The following CA10 variants were observed in gnomAD, a reference collection of about 807,000 sequenced individuals.
The protein encoded by CA10 is carbonic anhydrase 10 (inactive).
Under a neutral mutation model 44.2 loss-of-function variants are expected in CA10, and 14 were observed. The observed-to-expected ratio is 0.32, with a 90% CI of 0.21 to 0.50. The LOEUF is 0.50. Ranked by LOEUF, CA10 falls within the 20% of genes least tolerant of loss-of-function variation. CA10 has a pLI of 0.99. For synonymous variants in CA10, 159 were observed against 141.6 expected (o/e 1.12, Z -0.87); for missense variants, 350 against 409.7 (o/e 0.85, Z 1.26).
intron 4 of CA10, among the ~76,000 whole-genome samples, chr17:51,681,129 A>G (rs542972973): frequency 3.3e-5 from 5 of 152,280 alleles, no homozygotes; most frequent in Admixed American, 2.6e-4. Context: ...GCTGGGTATG[A>G]TTTCAGCTTT....
chr17:51,747,654 A>G lies in CA10; in HGVS notation c.444T>C (p.Asn148=). 2 of 1,613,522 alleles carry G rather than the reference A, an allele frequency of 1.2e-6. No individual in the cohort carries two copies. The highest frequency in any genetic ancestry group is 8.5e-7 in the Non-Finnish European group (1 of 1,179,726). The change falls in exon 4 of 9, where the codon AAT becomes AAC. Residue 148 remains asparagine (N), a synonymous_variant. Coordinates refer to ENST00000451037, the MANE Select transcript of CA10 (RefSeq NM_020178.5). ...EDSQGSEHLL[N]GQAFSGEVQL... is the part of the protein sequence containing the mutation. ...ATACCTCCCCAGAGAAGGCCTGTCC[A>G]TTGAGGAGGTGCTCCGACCCTTGGC...
intron 4 of CA10, among the ~76,000 whole-genome samples, chr17:51,668,483 C>A (rs564677616): frequency 6.6e-6 from 1 of 152,196 alleles, no homozygotes; most frequent in Non-Finnish European, 1.5e-5. Flanking sequence ...CAAAGTCACT[C>A]GGTTGTTTAT....
At chr17:51,893,036 CTTAATAAGTGATGTTTA>C (rs1259651016) in intron 3 of CA10, among the ~76,000 whole-genome samples, 1 of 152,022 alleles carries the variant, frequency 6.6e-6, no homozygotes, top group Admixed American at 6.6e-5. Flanking sequence ...CTACTTTATG[CTTAATAAGTGATGTTTA>C]TTATTATTCT....
chr17:51,943,144 C>T (rs1983147057), intron 2 of CA10, among the ~76,000 whole-genome samples: 1 of 152,154 alleles, frequency 6.6e-6, no homozygotes. Context: ...CCACTTTCTA[C>T]ACCCCATAGT....
At chr17:52,137,091 AT>A (rs758092131) in intron 1 of CA10, among the ~76,000 whole-genome samples, 1,777 of 145,734 alleles carry the variant, frequency 0.012, 32 homozygotes, top group African/African-American at 0.039. Flanking sequence ...GGATGTGGGG[AT>A]TTTTTTTTTT....
intron 2 of CA10, among the ~76,000 whole-genome samples, chr17:52,001,985 G>A (rs1199424841): frequency 1.3e-5 from 2 of 151,864 alleles, no homozygotes; most frequent in African/African-American, 4.8e-5. Flanking sequence ...TCAAAAATAA[G>A]GAGGGGCAAG....
intron 6 of CA10, among the ~76,000 whole-genome samples, chr17:51,648,275 G>A (rs949345649): frequency 1.2e-4 from 19 of 152,280 alleles, no homozygotes; most frequent in East Asian, 1.2e-3. Flanking sequence ...GTGCTTGGAT[G>A]TTTGCCAACT....
At chr17:52,058,421 G>A (rs1987288855) in intron 2 of CA10, among the ~76,000 whole-genome samples, 1 of 152,082 alleles carries the variant, frequency 6.6e-6, no homozygotes, top group Admixed American at 6.6e-5. Context: ...AGTAAACTGA[G>A]GCTCTGAGAC....
At chr17:51,821,332 G>A (rs1907787203) in intron 3 of CA10, among the ~76,000 whole-genome samples, 1 of 151,738 alleles carries the variant, frequency 6.6e-6, no homozygotes, top group African/African-American at 2.4e-5. Context: ...GGTGGAAAGA[G>A]GGAAAGTCAA....
chr17:51,999,744 C>T (rs542257211), intron 2 of CA10, among the ~76,000 whole-genome samples: 1 of 152,174 alleles, frequency 6.6e-6, no homozygotes, highest in South Asian at 2.1e-4. Flanking sequence ...TCCATTCTGT[C>T]CTTGTTTCCC....
At chr17:51,645,711 C>T (rs1291679479) in intron 6 of CA10, among the ~76,000 whole-genome samples, 1 of 152,154 alleles carries the variant, frequency 6.6e-6, no homozygotes, top group Non-Finnish European at 1.5e-5. Context: ...TTCCTTCCTC[C>T]TTAGGGAGAA....
intron 1 of CA10, among the ~76,000 whole-genome samples, chr17:52,093,916 T>C (rs1431814789): frequency 1.3e-5 from 2 of 151,900 alleles, no homozygotes; most frequent in Non-Finnish European, 2.9e-5. Flanking sequence ...ATTCATCTGG[T>C]AAGTTGGAAA....
intron 6 of CA10, among the ~76,000 whole-genome samples, chr17:51,638,769 G>A (rs1048390304): frequency 3.3e-5 from 5 of 152,172 alleles, no homozygotes; most frequent in African/African-American, 9.7e-5. Flanking sequence ...GCGAGGGTGC[G>A]GGGTACTCAG....
chr17:51,796,704 C>T (rs1906723375), intron 3 of CA10, among the ~76,000 whole-genome samples: 1 of 152,132 alleles, frequency 6.6e-6, no homozygotes, highest in Non-Finnish European at 1.5e-5. Flanking sequence ...GGAAGTCATT[C>T]TCCTAACTTT....
chr17:51,699,502 TCTGCCAGCAGGTGGCTA>T (rs1326578400), intron 4 of CA10, among the ~76,000 whole-genome samples: 1 of 152,148 alleles, frequency 6.6e-6, no homozygotes, highest in African/African-American at 2.4e-5. Flanking sequence ...CAAATGCTTG[TCTGCCAGCAGGTGGCTA>T]CTGGTCCCTC....
Position 52,046,203 on chromosome 17 carries a change from C to T in CA10, c.136+26116G>A, listed in dbSNP as rs558224399. Among the ~76,000 whole-genome samples, 9 of 149,736 alleles carry T rather than the reference C, an allele frequency of 6.0e-5. 1 individual carries two copies. In the East Asian group the frequency reaches 1.4e-3, roughly 23 times the overall value. ...ACTGAACCTAAAATAAAGAAAAAGA[C>T]ATAATAAAGAAATCAATTAAATGGA... On this transcript the variant is annotated intron_variant, in intron 2 of 8. Coordinates refer to ENST00000451037, the MANE Select transcript of CA10 (RefSeq NM_020178.5).
At chr17:52,139,698 C>T (rs1029935124) in intron 1 of CA10, among the ~76,000 whole-genome samples, 1 of 152,148 alleles carries the variant, frequency 6.6e-6, no homozygotes, top group African/African-American at 2.4e-5. Context: ...TGGATTCAGA[C>T]AGGTCCACAT....
At chr17:51,943,548 T>A (rs1983164044) in intron 2 of CA10, among the ~76,000 whole-genome samples, 1 of 152,184 alleles carries the variant, frequency 6.6e-6, no homozygotes, top group African/African-American at 2.4e-5. Flanking sequence ...CTTTCGGGGC[T>A]CCTGGCAGTT....
chr17:51,738,201 C>T (rs1916976029), intron 4 of CA10, among the ~76,000 whole-genome samples: 1 of 152,174 alleles, frequency 6.6e-6, no homozygotes, highest in African/African-American at 2.4e-5. Flanking sequence ...ATTAAGTTGG[C>T]ACCATTGAAA....
Sources: allele counts gnomAD v4.1 joint callset (sites outside exome capture counted in the v4.1 genomes callset), GRCh38; gene constraint gnomAD v4.1.1; transcripts MANE v1.5; gene names NCBI Gene and HGNC (gene_info 2026-07-23, HGNC 2026-07-21).